PDE4D: variants seen among roughly 807,000 people sequenced by gnomAD.
The protein encoded by PDE4D is phosphodiesterase 4D, also known as 3',5'-cyclic-AMP phosphodiesterase 4D.
A neutral mutation model predicts 87.4 loss-of-function variants in PDE4D; 24 were observed. The observed-to-expected ratio is 0.27, with a 90% CI of 0.20 to 0.39. The LOEUF (loss-of-function observed/expected upper bound fraction) is 0.39, where lower values mean the gene tolerates loss of function less well. PDE4D is among the 10% of genes least tolerant of loss of function. The pLI, the probability that PDE4D is intolerant of heterozygous loss-of-function variation, is 1.00. For synonymous variants in PDE4D, 384 were observed against 383.2 expected (o/e 1.00, Z -0.02); for missense variants, 714 against 1,041.0 (o/e 0.69, Z 4.32).
chr5:60,473,857 C>G (rs1748053617), intron 1 of PDE4D, among the ~76,000 whole-genome samples: 1 of 151,556 alleles, frequency 6.6e-6, no homozygotes, highest in Non-Finnish European at 1.5e-5. Context: ...CCCCCTGACC[C>G]CACCCCAGCC....
chr5:59,015,343 A>C, intron 6 of PDE4D, among the ~76,000 whole-genome samples: 1 of 152,202 alleles, frequency 6.6e-6, no homozygotes, highest in African/African-American at 2.4e-5. Flanking sequence ...GGCAACCTAC[A>C]GAATGGGAGA....
chr5:60,163,810 C>T (rs887660109), intron 2 of PDE4D, among the ~76,000 whole-genome samples: 2 of 152,088 alleles, frequency 1.3e-5, no homozygotes, highest in Non-Finnish European at 2.9e-5. Context: ...AAGAAAGGGG[C>T]AAGATTTGGA....
chr5:60,386,552 G>A (rs529608557), intron 1 of PDE4D, among the ~76,000 whole-genome samples: 2 of 152,276 alleles, frequency 1.3e-5, no homozygotes, highest in Admixed American at 6.5e-5. Context: ...ACTTGCTTCC[G>A]TTCCTCTGCA....
chr5:60,234,095 A>G (rs1746134783), intron 1 of PDE4D, among the ~76,000 whole-genome samples: 1 of 151,858 alleles, frequency 6.6e-6, no homozygotes, highest in Non-Finnish European at 1.5e-5. Context: ...TCCATTAACA[A>G]TCACTCCCTC....
intron 1 of PDE4D, among the ~76,000 whole-genome samples, chr5:59,794,707 A>T (rs1766255107): frequency 6.6e-6 from 1 of 152,244 alleles, no homozygotes; most frequent in Non-Finnish European, 1.5e-5. Context: ...AACATAGTTC[A>T]TCAAGGCATT....
chr5:60,502,279 T>C (rs1225513563), intron 1 of PDE4D, among the ~76,000 whole-genome samples: 2 of 152,248 alleles, frequency 1.3e-5, no homozygotes, highest in African/African-American at 4.8e-5. Context: ...CCATTGCTTG[T>C]TTTTCTCAGA....
At chr5:59,994,922 G>A (rs554131238) in intron 2 of PDE4D, among the ~76,000 whole-genome samples, 4 of 152,078 alleles carry the variant, frequency 2.6e-5, no homozygotes, top group South Asian at 2.1e-4. Context: ...TGCTTGTGTC[G>A]GGTACTGAAA....
chr5:60,051,873 C>T (rs189461116), intron 2 of PDE4D, among the ~76,000 whole-genome samples: 9 of 152,014 alleles, frequency 5.9e-5, no homozygotes, highest in East Asian at 5.8e-4. Flanking sequence ...CCACTGATCC[C>T]GCAGAAATAC....
intron 1 of PDE4D, among the ~76,000 whole-genome samples, chr5:60,431,402 G>A (rs1583745744): frequency 2.7e-5 from 4 of 150,836 alleles, no homozygotes; most frequent in Admixed American, 6.6e-5. Context: ...ACGGGTTCGC[G>A]GCCGGGTAGA....
intron 1 of PDE4D, among the ~76,000 whole-genome samples, chr5:59,322,116 T>G (rs888390878): frequency 5.9e-5 from 9 of 152,132 alleles, no homozygotes; most frequent in African/African-American, 2.2e-4. Flanking sequence ...CCACATAAAT[T>G]CTCAGGACTA....
chr5:60,274,417 G>C (rs1321542729), intron 1 of PDE4D, among the ~76,000 whole-genome samples: 1 of 152,124 alleles, frequency 6.6e-6, no homozygotes, highest in Non-Finnish European at 1.5e-5. Context: ...GCAGAGTGCA[G>C]TGGTGCAATC....
chr5:59,964,552 G>C (rs1466561980), intron 3 of PDE4D, among the ~76,000 whole-genome samples: 2 of 151,954 alleles, frequency 1.3e-5, no homozygotes, highest in East Asian at 3.9e-4. Context: ...CTTTACATAG[G>C]CAATGTCTTC....
intron 1 of PDE4D, among the ~76,000 whole-genome samples, chr5:59,816,443 A>G (rs1209416457): frequency 6.6e-6 from 1 of 152,216 alleles, no homozygotes; most frequent in African/African-American, 2.4e-5. Context: ...GGGAAAAAAA[A>G]TGAATGAGAG....
intron 1 of PDE4D, among the ~76,000 whole-genome samples, chr5:60,487,535 T>C (rs1289852962): frequency 6.6e-6 from 1 of 152,196 alleles, no homozygotes; most frequent in African/African-American, 2.4e-5. Context: ...GCATTTATTA[T>C]AATATTTGCT....
At chr5:59,682,933 TAAAGGATATTAA>T (rs1749265049) in intron 1 of PDE4D, among the ~76,000 whole-genome samples, 1 of 152,184 alleles carries the variant, frequency 6.6e-6, no homozygotes, top group Non-Finnish European at 1.5e-5. Flanking sequence ...TGCTCCAGTT[TAAAGGATATTAA>T]AGAGACATGA....
At chr5:60,037,095 A>G (rs1368138946) in intron 2 of PDE4D, among the ~76,000 whole-genome samples, 1 of 152,178 alleles carries the variant, frequency 6.6e-6, no homozygotes, top group Non-Finnish European at 1.5e-5. Context: ...GGAATAGGAT[A>G]CGCATATGGT....
chr5:60,160,289 C>T (rs1188007407), intron 2 of PDE4D, among the ~76,000 whole-genome samples: 1 of 152,260 alleles, frequency 6.6e-6, no homozygotes, highest in East Asian at 1.9e-4. Context: ...AGAAGTCAAA[C>T]ATTACACACA....
At chr5:59,894,677 T>G (rs1361588526), upstream of PDE4D, among the ~76,000 whole-genome samples, 4 of 152,220 alleles carry the variant, frequency 2.6e-5, no homozygotes, top group African/African-American at 4.8e-5. Flanking sequence ...CTTCAGTGCC[T>G]GCCTGCAATT....
intron 1 of PDE4D, among the ~76,000 whole-genome samples, chr5:59,486,263 C>T (rs894512384): frequency 3.3e-5 from 5 of 152,064 alleles, no homozygotes; most frequent in African/African-American, 1.2e-4. Flanking sequence ...TTCCTTGGCT[C>T]CACCCTCCCA....
Sources: allele counts gnomAD v4.1 joint callset (sites outside exome capture counted in the v4.1 genomes callset), GRCh38; gene constraint gnomAD v4.1.1; transcripts MANE v1.5; gene names NCBI Gene and HGNC (gene_info 2026-07-23, HGNC 2026-07-21).